EXT1: variants seen among roughly 807,000 people sequenced by gnomAD.
The protein encoded by EXT1 is exostosin glycosyltransferase 1.
A neutral mutation model predicts 82.5 loss-of-function variants in EXT1; 20 were observed. That is an observed-to-expected ratio of 0.24 (90% CI 0.17 to 0.35). EXT1 has a LOEUF of 0.35. EXT1 is among the 10% of genes least tolerant of loss of function. EXT1 has a pLI of 1.00. For synonymous variants in EXT1, 348 were observed against 350.8 expected, an observed-to-expected ratio of 0.99 and a Z score of 0.09; for missense variants, 757 against 936.5, an observed-to-expected ratio of 0.81 and a Z score of 2.50.
At chr8:117,940,959 C>T (rs1814260611) in intron 1 of EXT1, among the ~76,000 whole-genome samples, 1 of 152,102 alleles carries the variant, frequency 6.6e-6, no homozygotes, top group South Asian at 2.1e-4. Context: ...CTCCATGGGG[C>T]CATACATGCC....
intron 1 of EXT1, among the ~76,000 whole-genome samples, chr8:118,023,521 C>T (rs113464198): frequency 1.2e-3 from 181 of 152,308 alleles, no homozygotes; most frequent in African/African-American, 4.3e-3. Context: ...GAAATATAAA[C>T]TGACAGCCTT....
At chr8:118,094,743 A>T (rs2130006943) in intron 1 of EXT1, among the ~76,000 whole-genome samples, 1 of 152,332 alleles carries the variant, frequency 6.6e-6, no homozygotes, top group Admixed American at 6.5e-5. Context: ...TTCAAACCAG[A>T]ACCCTTATGT....
At chr8:117,922,503 G>A (rs1018129302) in intron 1 of EXT1, among the ~76,000 whole-genome samples, 2 of 152,160 alleles carry the variant, frequency 1.3e-5, no homozygotes, top group African/African-American at 4.8e-5. Flanking sequence ...GAACATGAAA[G>A]TTATGACAGT....
At chr8:118,071,109 G>C (rs1563646847) in intron 1 of EXT1, among the ~76,000 whole-genome samples, 1 of 151,924 alleles carries the variant, frequency 6.6e-6, no homozygotes, top group Non-Finnish European at 1.5e-5. Context: ...ATAAAAATAG[G>C]GTCAATAAAA....
In EXT1 at chr8:117,982,432, T is replaced by C. The variant is rs1356454791; in HGVS notation, c.962+127653A>G. ...CCCCTTTTAAGGGCTCACCAGATTATGGTAGTTCCACCTAAGATAATCTCC... is the reference window on the plus strand; with the variant it reads ...CCCCTTTTAAGGGCTCACCAGATTACGGTAGTTCCACCTAAGATAATCTCC... On this transcript the variant is annotated intron_variant, in intron 1 of 10. Coordinates refer to ENST00000378204, the MANE Select transcript of EXT1 (RefSeq NM_000127.3). Among the ~76,000 whole-genome samples, 3 of 152,342 alleles carry C rather than the reference T, an allele frequency of 2.0e-5. No individual in the cohort carries two copies. In the South Asian group the frequency reaches 6.2e-4, roughly 32 times the overall value.
At chr8:118,007,381 G>A (rs1334745039) in intron 1 of EXT1, among the ~76,000 whole-genome samples, 1 of 152,086 alleles carries the variant, frequency 6.6e-6, no homozygotes, top group African/African-American at 2.4e-5. Context: ...TCCTTTCTAA[G>A]GTAACAAGGA....
intron 1 of EXT1, among the ~76,000 whole-genome samples, chr8:118,081,784 T>C (rs1437492279): frequency 1.3e-5 from 2 of 152,190 alleles, no homozygotes; most frequent in Non-Finnish European, 2.9e-5. Flanking sequence ...GCAGAAGCCC[T>C]CCTACCACTA....
chr8:117,908,000 G>A (rs1813574062), intron 1 of EXT1, among the ~76,000 whole-genome samples: 1 of 152,164 alleles, frequency 6.6e-6, no homozygotes, highest in Non-Finnish European at 1.5e-5. Flanking sequence ...AAGGGCAATC[G>A]TAAACATCGG....
intron 1 of EXT1, among the ~76,000 whole-genome samples, chr8:117,853,440 A>G (rs1812489071): frequency 6.6e-6 from 1 of 152,138 alleles, no homozygotes; most frequent in African/African-American, 2.4e-5. Context: ...AGCTACTCGG[A>G]AGGCTGAGGC....
chr8:117,803,345 A>G, intron 10 of EXT1, among the ~76,000 whole-genome samples: 1 of 151,900 alleles, frequency 6.6e-6, no homozygotes, highest in Non-Finnish European at 1.5e-5. Flanking sequence ...ACAAGCGTGC[A>G]CCACTATGAC....
intron 1 of EXT1, among the ~76,000 whole-genome samples, chr8:117,959,251 C>T (rs1814649057): frequency 6.6e-6 from 1 of 152,156 alleles, no homozygotes; most frequent in South Asian, 2.1e-4. Context: ...ACTCTCCTGC[C>T]TAGCACCCAA....
At chr8:118,000,811 A>G (rs17431228) in intron 1 of EXT1, among the ~76,000 whole-genome samples, 2,571 of 152,318 alleles carry the variant, frequency 0.017, 46 homozygotes, top group Middle Eastern at 0.051. Context: ...TATCTCCACG[A>G]GAGAAAGAAA....
At chr8:117,855,855 A>C (rs1812537398) in intron 1 of EXT1, among the ~76,000 whole-genome samples, 1 of 152,078 alleles carries the variant, frequency 6.6e-6, no homozygotes. Flanking sequence ...TTTTTAGTAG[A>C]GACAGGGTTT....
At chr8:118,045,278 A>G (rs1249504671) in intron 1 of EXT1, among the ~76,000 whole-genome samples, 1 of 152,230 alleles carries the variant, frequency 6.6e-6, no homozygotes. Context: ...GGTAATAAAG[A>G]AACTGCCCCA....
At chr8:117,984,410 T>C (rs1295537309) in intron 1 of EXT1, among the ~76,000 whole-genome samples, 2 of 137,890 alleles carry the variant, frequency 1.5e-5, no homozygotes, top group Non-Finnish European at 1.5e-5. Flanking sequence ...GCCTGGGTGA[T>C]AGAGTGAAAC....
intron 1 of EXT1, among the ~76,000 whole-genome samples, chr8:117,869,686 A>C (rs1361096548): frequency 6.6e-6 from 1 of 152,210 alleles, no homozygotes; most frequent in Non-Finnish European, 1.5e-5. Flanking sequence ...TATAAATGCT[A>C]TTCCTGATTT....
chr8:117,900,820 G>A (rs964696194), intron 1 of EXT1, among the ~76,000 whole-genome samples: 2 of 152,192 alleles, frequency 1.3e-5, no homozygotes, highest in African/African-American at 2.4e-5. Context: ...GAAGAAAAGG[G>A]AAAATTAATT....
chr8:118,000,851 A>C (rs982002518), intron 1 of EXT1, among the ~76,000 whole-genome samples: 1 of 152,228 alleles, frequency 6.6e-6, no homozygotes, highest in East Asian at 1.9e-4. Flanking sequence ...TTCTATCTAC[A>C]CAAAGAAAGT....
At chr8:118,069,387 T>A (rs1375531244) in intron 1 of EXT1, among the ~76,000 whole-genome samples, 1 of 152,194 alleles carries the variant, frequency 6.6e-6, no homozygotes, top group Admixed American at 6.5e-5. Flanking sequence ...CCCCGTCTAT[T>A]CCTCTTGCTT....
Sources: gnomAD v4.1 joint callset for allele counts (sites outside exome capture counted in the v4.1 genomes callset) on GRCh38, gnomAD v4.1.1 for gene constraint, MANE v1.5 for transcripts, NCBI Gene and HGNC (gene_info 2026-07-23, HGNC 2026-07-21) for gene names.